The following DNAH9 variants were observed in gnomAD, a reference collection of about 807,000 sequenced individuals.
DNAH9 encodes the protein DNAH9 variant protein.
DNAH9 carries 345 observed loss-of-function variants against 471.6 expected under a neutral mutation model. That is an observed-to-expected ratio of 0.73 (90% CI 0.67 to 0.80). The LOEUF (loss-of-function observed/expected upper bound fraction) is 0.80, where lower values mean the gene tolerates loss of function less well. Among genes scored for constraint, DNAH9 ranks in the 30% least tolerant of loss-of-function variants. The probability of loss-of-function intolerance (pLI) is 0.00; values close to 1 mark genes in which losing one functional copy is unlikely to be tolerated. For missense variants in DNAH9, 5,407 were observed against 5,609.2 expected (o/e 0.96, Z 1.15); for synonymous variants, 2,093 against 2,123.6 (o/e 0.99, Z 0.40).
chr17:11,655,894 A>G (rs898380412), intron 14 of DNAH9, among the ~76,000 whole-genome samples: 1 of 152,008 alleles, frequency 6.6e-6, no homozygotes, highest in African/African-American at 2.4e-5. Flanking sequence ...ATATATACAT[A>G]TATATACACA....
chr17:11,823,701 G>A (rs1597698909), intron 48 of DNAH9, among the ~76,000 whole-genome samples: 1 of 152,118 alleles, frequency 6.6e-6, no homozygotes, highest in East Asian at 1.9e-4. Flanking sequence ...GGAGGTCGAG[G>A]CTGGTGGATC....
chr17:11,753,167 C>T (rs551036554), intron 33 of DNAH9, among the ~76,000 whole-genome samples: 32 of 152,358 alleles, frequency 2.1e-4, no homozygotes, highest in African/African-American at 7.2e-4. Context: ...CCATGGCTCA[C>T]ACCAGTTTTG....
chr17:11,835,726 T>C (rs963159637), intron 49 of DNAH9, among the ~76,000 whole-genome samples: 14 of 152,166 alleles, frequency 9.2e-5, no homozygotes, highest in African/African-American at 2.7e-4. Flanking sequence ...GGGGACCTCA[T>C]CCCTACAGAT....
chr17:11,600,375 G>C (rs11652181), intron 1 of DNAH9, among the ~76,000 whole-genome samples: 2,246 of 152,324 alleles, frequency 0.015, 16 homozygotes, highest in Middle Eastern at 0.034. Context: ...AAGATACTGA[G>C]AGCAGACTGA....
intron 67 of DNAH9, among the ~76,000 whole-genome samples, chr17:11,950,954 A>T (rs1034201292): frequency 6.6e-6 from 1 of 152,156 alleles, no homozygotes; most frequent in Non-Finnish European, 1.5e-5. Context: ...AGCAGTCCAC[A>T]ACCTGACACC....
chr17:11,849,131 TG>T (rs766447790), intron 49 of DNAH9, among the ~76,000 whole-genome samples: 11 of 152,204 alleles, frequency 7.2e-5, no homozygotes, highest in Non-Finnish European at 1.6e-4. Context: ...CCACCGCACC[TG>T]GCCACCTCTT....
At chr17:11,894,341 A>G (rs1973157491) in intron 58 of DNAH9, 33 bp from the exon 59 acceptor site, 1 of 1,609,490 alleles carries the variant, frequency 6.2e-7, no homozygotes, top group Non-Finnish European at 8.5e-7. Context: ...GCTACAAGCT[A>G]AAGAAATGCA....
intron 59 of DNAH9, among the ~76,000 whole-genome samples, chr17:11,901,846 A>G (rs1285292814): frequency 6.6e-6 from 1 of 152,262 alleles, no homozygotes; most frequent in Non-Finnish European, 1.5e-5. Context: ...CATGCAGCCC[A>G]AGGGCCATGG....
At chr17:11,828,668 C>T (rs1970585777) in intron 48 of DNAH9, among the ~76,000 whole-genome samples, 1 of 152,108 alleles carries the variant, frequency 6.6e-6, no homozygotes. Context: ...TCCAACAGTA[C>T]TCTTGCAGCG....
chr17:11,771,573 G>A lies in DNAH9; in HGVS notation c.7552+2244G>A, dbSNP rs1320768849. 3.3e-5 allele frequency among the ~76,000 whole-genome samples: 5 copies of A among 152,174 alleles called. No homozygotes were observed. The East Asian group carries it at 7.7e-4, about 23-fold the overall frequency. Reference sequence around the variant, plus strand: ...CATATCTTAACCTTCCATCAAGGCCGAAGTCATCACATCAGCACCTGGCAG... The same window carrying A: ...CATATCTTAACCTTCCATCAAGGCCAAAGTCATCACATCAGCACCTGGCAG... On this transcript the variant is annotated intron_variant, in intron 38 of 68. Transcript: ENST00000262442.
chr17:11,755,353 G>A (rs916514405), intron 33 of DNAH9, among the ~76,000 whole-genome samples: 2 of 152,012 alleles, frequency 1.3e-5, no homozygotes, highest in African/African-American at 4.8e-5. Flanking sequence ...TTCTAGTTCT[G>A]TGAAGAATGT....
Position 11,937,260 on chromosome 17 carries a change from A to C in DNAH9, c.12490-92A>C. ...CAGTGTCCCCTGGAGGAGGGATACTAGCCCATGGACTCCCTGCAGAGGACA... is the reference window on the plus strand; with the variant it reads ...CAGTGTCCCCTGGAGGAGGGATACTCGCCCATGGACTCCCTGCAGAGGACA... On this transcript the variant is annotated intron_variant, in intron 65 of 68. Coordinates refer to ENST00000262442, the MANE Select transcript of DNAH9 (RefSeq NM_001372.4). This position sits in a 1 kb window ranked among gnomAD's most constrained non-coding sequence, Gnocchi z 4.1. 1.4e-6 allele frequency: 2 copies of C among 1,464,038 alleles called. No individual in the cohort carries two copies. Among genetic ancestry groups the C allele is most frequent in the Non-Finnish European group, 1.8e-6 (2 of 1,084,436 alleles). 90.7% of individuals were successfully genotyped at this position (1,464,038 alleles called of 1,614,324 possible).
At chr17:11,690,581 C>A in intron 20 of DNAH9, 145 bp downstream of exon 20, 1 of 720,348 alleles carries the variant, frequency 1.4e-6, no homozygotes, top group Non-Finnish European at 2.2e-6. Flanking sequence ...AGATGCTCAC[C>A]TTACCTGCCA....
At chr17:11,612,177 G>A (rs1390280483) in intron 4 of DNAH9, 1 of 452,564 alleles carries the variant, frequency 2.2e-6, no homozygotes, top group Non-Finnish European at 4.0e-6. Flanking sequence ...ATACAGTTCT[G>A]GGGTGGCCAT....
At chr17:11,817,213 T>A (rs537010825) in intron 45 of DNAH9, among the ~76,000 whole-genome samples, 58 of 152,278 alleles carry the variant, frequency 3.8e-4, no homozygotes, top group African/African-American at 1.3e-3. Flanking sequence ...ACAAAACAAG[T>A]GACGAGAATA....
intron 63 of DNAH9, among the ~76,000 whole-genome samples, chr17:11,930,610 C>T (rs1974474647): frequency 6.6e-6 from 1 of 151,984 alleles, no homozygotes; most frequent in Non-Finnish European, 1.5e-5. Context: ...ATCAGCATCA[C>T]CTGGAAACTT....
chr17:11,762,438 A>G (rs1038432854), intron 35 of DNAH9, among the ~76,000 whole-genome samples: 6 of 152,134 alleles, frequency 3.9e-5, no homozygotes, highest in Non-Finnish European at 5.9e-5. Context: ...GAGCTTGTGC[A>G]TGCTCCTGCT....
intron 67 of DNAH9, among the ~76,000 whole-genome samples, chr17:11,943,023 G>C (rs1974990558): frequency 6.6e-6 from 1 of 151,192 alleles, no homozygotes; most frequent in Non-Finnish European, 1.5e-5. Flanking sequence ...AGCCTCCCGA[G>C]TAGCTGGGAC....
At chr17:11,803,866 C>T (rs1475217388) in intron 43 of DNAH9, among the ~76,000 whole-genome samples, 1 of 152,184 alleles carries the variant, frequency 6.6e-6, no homozygotes, top group Non-Finnish European at 1.5e-5. Context: ...CCTTTCCTGC[C>T]CCAACTTTTC....
Sources: gnomAD v4.1 joint callset for allele counts (sites outside exome capture counted in the v4.1 genomes callset) on GRCh38, gnomAD v4.1.1 for gene constraint, Gnocchi (gnomAD v3.1) non-coding constraint, MANE v1.5 for transcripts, NCBI Gene and HGNC (gene_info 2026-07-23, HGNC 2026-07-21) for gene names.